Variants in JAZF1 observed in about 807,000 individuals in gnomAD.
The protein encoded by JAZF1 is juxtaposed with another zinc finger protein 1.
Under a neutral mutation model 26.4 loss-of-function variants are expected in JAZF1, and 8 were observed. That is an observed-to-expected ratio of 0.30 (90% confidence interval 0.18 to 0.55). The LOEUF is 0.55. Ranked by LOEUF, JAZF1 falls within the 20% of genes least tolerant of loss-of-function variation. The probability of loss-of-function intolerance (pLI) is 0.94; values close to 1 mark genes in which losing one functional copy is unlikely to be tolerated. For missense variants in JAZF1, 199 were observed against 322.0 expected (o/e 0.62, Z 2.92); for synonymous variants, 126 against 122.3 (o/e 1.03, Z -0.20).
chr7:28,080,355 T>C (rs1001141459), intron 1 of JAZF1, among the ~76,000 whole-genome samples: 4 of 152,246 alleles, frequency 2.6e-5, no homozygotes, highest in African/African-American at 4.8e-5. Context: ...CACTCAGACT[T>C]TCTCCCTATC....
At chr7:28,058,667 T>C (rs939666092) in intron 1 of JAZF1, among the ~76,000 whole-genome samples, 3 of 152,246 alleles carry the variant, frequency 2.0e-5, no homozygotes, top group African/African-American at 7.2e-5. Context: ...ACATAGATTC[T>C]ATGTATTTTC....
chr7:27,851,328 C>T (rs17155943), intron 3 of JAZF1, among the ~76,000 whole-genome samples: 30,504 of 152,184 alleles, frequency 0.2, 4,014 homozygotes, highest in East Asian at 0.48. Context: ...GCCAACTTTA[C>T]TATGTAAGTT....
chr7:28,161,257 T>TAA (rs10630786), intron 1 of JAZF1, among the ~76,000 whole-genome samples: 31,501 of 76,618 alleles, frequency 0.41, 6,884 homozygotes, highest in Non-Finnish European at 0.47. Flanking sequence ...TCCTTTAATC[T>TAA]AAAAAAAAAA....
At chr7:27,912,355 A>G (rs946065457) in intron 2 of JAZF1, among the ~76,000 whole-genome samples, 2 of 152,230 alleles carry the variant, frequency 1.3e-5, no homozygotes, top group Non-Finnish European at 2.9e-5. Context: ...CCTTATTGGA[A>G]GTGAAAAGTC....
At chr7:28,016,377 C>A (rs557403378) in intron 1 of JAZF1, among the ~76,000 whole-genome samples, 2 of 152,328 alleles carry the variant, frequency 1.3e-5, no homozygotes, top group South Asian at 4.1e-4. Flanking sequence ...AACCCATAAA[C>A]TGAATTTTAA....
At chr7:28,000,598 T>TTTTC (rs149120555) in intron 1 of JAZF1, among the ~76,000 whole-genome samples, 75 of 125,968 alleles carry the variant, frequency 6.0e-4, no homozygotes, top group South Asian at 1.5e-3. Flanking sequence ...CCTATTTTCT[T>TTTTC]TTTCTTTCTT....
intron 4 of JAZF1, among the ~76,000 whole-genome samples, chr7:27,837,529 G>C (rs1782838611): frequency 6.6e-6 from 1 of 152,248 alleles, no homozygotes; most frequent in Non-Finnish European, 1.5e-5. Context: ...AGCTCTGCGG[G>C]TTATGGGAGC....
rs145065228 is a variant in JAZF1 at position 27,848,502 on chromosome 7, C to T, written c.386-7635G>A. ...AACCATTCTCTATCAGAGGAGAATG[C>T]GCTCAGAGATCTACCTTTCAAAAGG... On this transcript the variant is annotated intron_variant, in intron 3 of 4. Coordinates refer to ENST00000283928, the MANE Select transcript of JAZF1 (RefSeq NM_175061.4). Among the ~76,000 whole-genome samples, 10 of 152,228 alleles carry T rather than the reference C, an allele frequency of 6.6e-5. No individual in the cohort carries two copies. In the East Asian group the frequency reaches 1.5e-3, roughly 24 times the overall value.
chr7:27,852,422 C>CAAAAA (rs1783169117), intron 3 of JAZF1, among the ~76,000 whole-genome samples: 1 of 152,178 alleles, frequency 6.6e-6, no homozygotes, highest in African/African-American at 2.4e-5. Context: ...GCATGAGCCA[C>CAAAAA]TGCACCTGGC....
intron 3 of JAZF1, among the ~76,000 whole-genome samples, chr7:27,847,299 C>G (rs762624312): frequency 6.6e-6 from 1 of 151,636 alleles, no homozygotes; most frequent in Non-Finnish European, 1.5e-5. Context: ...TATGCAGTCT[C>G]GTTTATTTAT....
intron 2 of JAZF1, among the ~76,000 whole-genome samples, chr7:27,968,468 T>C (rs1454595913): frequency 3.9e-5 from 6 of 152,168 alleles, no homozygotes; most frequent in Non-Finnish European, 7.4e-5. Context: ...AAATCAGAAA[T>C]TGCAGGGCTT....
intron 4 of JAZF1, among the ~76,000 whole-genome samples, chr7:27,837,448 A>G (rs1167599607): frequency 6.6e-6 from 1 of 152,198 alleles, no homozygotes. Flanking sequence ...CATGGGCTAC[A>G]CCTTGATTCC....
intron 3 of JAZF1, among the ~76,000 whole-genome samples, chr7:27,863,287 C>G (rs2128336472): frequency 6.6e-6 from 1 of 152,312 alleles, no homozygotes; most frequent in African/African-American, 2.4e-5. Flanking sequence ...TTTGATGACC[C>G]TGTTCTCCCT....
chr7:27,952,172 C>G (rs1313797472), intron 2 of JAZF1, among the ~76,000 whole-genome samples: 2 of 152,130 alleles, frequency 1.3e-5, no homozygotes, highest in East Asian at 3.9e-4. Flanking sequence ...AGCCCATAGT[C>G]TAGTAGGGAA....
chr7:28,126,440 G>T (rs1216830592), intron 1 of JAZF1, among the ~76,000 whole-genome samples: 1 of 151,600 alleles, frequency 6.6e-6, no homozygotes, highest in African/African-American at 2.4e-5. Flanking sequence ...GCATGGCTGG[G>T]GGACCACTTT....
chr7:27,873,748 G>A (rs1019934741), intron 3 of JAZF1, among the ~76,000 whole-genome samples: 9 of 152,168 alleles, frequency 5.9e-5, no homozygotes, highest in Non-Finnish European at 8.8e-5. Flanking sequence ...CTCTCTGAGC[G>A]TGGCTCATCT....
chr7:27,845,481 G>A (rs1479593823), intron 3 of JAZF1, among the ~76,000 whole-genome samples: 3 of 152,108 alleles, frequency 2.0e-5, no homozygotes, highest in African/African-American at 4.8e-5. Context: ...GGTGGATCAC[G>A]AGGTCAGGAG....
intron 1 of JAZF1, among the ~76,000 whole-genome samples, chr7:28,081,760 T>C (rs1784140954): frequency 6.6e-6 from 1 of 152,206 alleles, no homozygotes; most frequent in Non-Finnish European, 1.5e-5. Flanking sequence ...TCTGCATTTA[T>C]ATGTGTTTCC....
chr7:28,110,487 GGAAA>G (rs1784629457), intron 1 of JAZF1, among the ~76,000 whole-genome samples: 2 of 48,544 alleles, frequency 4.1e-5, no homozygotes, highest in East Asian at 1.7e-3. Flanking sequence ...GGAAAGGAAA[GGAAA>G]GGAAAGGAAA....
Sources: allele counts gnomAD v4.1 joint callset (sites outside exome capture counted in the v4.1 genomes callset), GRCh38; gene constraint gnomAD v4.1.1; transcripts MANE v1.5; gene names NCBI Gene and HGNC (gene_info 2026-07-23, HGNC 2026-07-21).